The following ARHGEF15 variants were observed in gnomAD, a reference collection of about 807,000 sequenced individuals.
The protein encoded by ARHGEF15 is Rho guanine nucleotide exchange factor 15, also known as Rho guanine nucleotide exchange factor (GEF) 15.
A neutral mutation model predicts 79.7 loss-of-function variants in ARHGEF15; 58 were observed. The ratio of observed to expected loss-of-function variants is 0.73; its 90% CI spans 0.59 to 0.91. ARHGEF15 has a LOEUF of 0.91. Ranked by LOEUF, ARHGEF15 falls within the 40% of genes least tolerant of loss-of-function variation. ARHGEF15 has a pLI of 0.00. For synonymous variants in ARHGEF15, 442 were observed against 456.0 expected (o/e 0.97, Z 0.39); for missense variants, 1,012 against 1,108.1 (o/e 0.91, Z 1.23).
chr17:8,315,473 C>G lies in ARHGEF15; in HGVS notation c.1320C>G (p.Thr440=). ...ASYLRSLRLL[T]DTFVLSQALR... ...ACCTGCGCTCCCTGCGGCTGCTGAC[C>G]GACACCTTCGTGCTGAGCCAGGCAC... Residue 440 remains threonine (T), a synonymous_variant, in exon 7 of 16, where the codon ACC becomes ACG. Transcript: ENST00000361926. This position sits in a 1 kb window ranked among gnomAD's most constrained non-coding sequence, Gnocchi z 4.3. 6.2e-7 allele frequency: 1 copy of G among 1,613,796 alleles called. No individual in the cohort carries two copies. Among genetic ancestry groups the G allele is most frequent in the Non-Finnish European group, 8.5e-7 (1 of 1,180,020 alleles).
rs750359902 is a variant in ARHGEF15, at chr17:8,315,835, T to C, written c.1502T>C (p.Val501Ala). The C allele has an allele frequency of 1.2e-6, 2 of 1,612,930 alleles. No homozygotes were observed. The highest frequency in any genetic ancestry group is 1.7e-6 in the Non-Finnish European group (2 of 1,179,970). ...DLCDVVHAHA[V>A]GPFSVYVDYV... ...TGTGATGTGGTGCATGCCCACGCTG[T>C]GGGGCCTTTCTCGGTGTATGTGGAT... The change falls in exon 8 of 16, where the codon GTG becomes GCG. Residue 501 changes from valine to alanine, a missense_variant. By Grantham distance (64) the Val-to-Ala change is moderately conservative. Transcript: ENST00000361926. The surrounding 1 kb of genome is among the most constrained non-coding windows in gnomAD (Gnocchi z 4.3).
In ARHGEF15 at chr17:8,319,081, G is replaced by A; in HGVS notation, c.2108G>A (p.Gly703Glu). ...GCCCAGCAGGTTCCGGATCCATCTGGACCCCCTACCTTCCGCCTCTCCCTT... is the reference window on the plus strand; with the variant it reads ...GCCCAGCAGGTTCCGGATCCATCTGAACCCCCTACCTTCCGCCTCTCCCTT... ...VQAQQVPDPS[G>E]PPTFRLSLLS... Residue 703 changes from glycine (G) to glutamate (E), a missense_variant, in exon 13 of 16, where the codon GGA (glycine) becomes GAA (glutamate). Physicochemically the swap from Gly to Glu is moderately conservative, Grantham distance 98. This residue lies in a region of ARHGEF15 where 62 missense variants were observed against 101.3 expected (regional missense o/e 0.61). Transcript: ENST00000361926. 1 of 1,613,944 alleles carries A rather than the reference G, an allele frequency of 6.2e-7. No individual in the cohort carries two copies. The highest frequency in any genetic ancestry group is 1.1e-5 in the South Asian group (1 of 91,076).
Position 8,321,118 on chromosome 17 carries a change from T to G in ARHGEF15, c.*125T>G. On this transcript the variant is annotated 3_prime_UTR_variant, in exon 16 of 16. Transcript: ENST00000361926. ...CTACCTCTCGTGGCAACCATAGAGA[T>G]CGAGCTTCAGGACAGAGCAGCCAAT... 7.2e-7 allele frequency: 1 copy of G among 1,385,172 alleles called. No homozygotes were observed. Among genetic ancestry groups the G allele is most frequent in the South Asian group, 1.3e-5 (1 of 75,390 alleles). 85.8% of individuals were successfully genotyped at this position (1,385,172 alleles called of 1,614,324 possible). A position where few individuals can be genotyped will look rare whatever the true frequency, so the allele number is the denominator to read the frequency against.
chr17:8,318,738 G>C lies in ARHGEF15; in HGVS notation c.1873-12G>C. 1 of 1,611,730 alleles carries C rather than the reference G, an allele frequency of 6.2e-7. No homozygotes were observed. Among genetic ancestry groups the C allele is most frequent in the Non-Finnish European group, 8.5e-7 (1 of 1,179,138 alleles). Reference sequence around the variant, plus strand: ...CCACGCTAGAACCTCCTCTGCCTCCGCTTCCTCGCAGGCCCTGCCCCTGGT... The same window carrying C: ...CCACGCTAGAACCTCCTCTGCCTCCCCTTCCTCGCAGGCCCTGCCCCTGGT... On this transcript the variant is annotated splice_polypyrimidine_tract_variant and intron_variant, in intron 11 of 15. Transcript: ENST00000361926. This position sits in a 1 kb window ranked among gnomAD's most constrained non-coding sequence, Gnocchi z 5.0.
chr17:8,311,881 C>A lies in ARHGEF15; in HGVS notation c.-49-110C>A, dbSNP rs376048783. Reference sequence around the variant, plus strand: ...ATTGAGTTTTATGGATTCTCTGGAACCCCCACACCAGCCTTCCCTCCTGAC... The same window carrying A: ...ATTGAGTTTTATGGATTCTCTGGAAACCCCACACCAGCCTTCCCTCCTGAC... On this transcript the variant is annotated intron_variant, in intron 1 of 15. Coordinates refer to ENST00000361926, the MANE Select transcript of ARHGEF15 (RefSeq NM_173728.4). The A allele has an allele frequency of 8.2e-5, 53 of 645,980 alleles. 1 individual carries two copies. In the East Asian group the frequency reaches 9.0e-4, roughly 11 times the overall value. The allele number at this position is 645,980 out of a possible 1,614,324, so 40.0% of individuals were successfully genotyped here. A position where few individuals can be genotyped will look rare whatever the true frequency, so the allele number is the denominator to read the frequency against.
rs1905341295 is a variant in ARHGEF15 at position 8,320,899 on chromosome 17, G to A, written c.2432G>A (p.Gly811Glu). The A allele has an allele frequency of 1.2e-6, 2 of 1,613,822 alleles. No homozygotes were observed. Among genetic ancestry groups the A allele is most frequent in the Admixed American group, 3.3e-5 (2 of 59,992 alleles). ...GCCCAGCTGGTGTGTGAAGTCACAG[G>A]GGAACACGAAAGGAGGAGGCACCTT... is the stretch of plus-strand genomic sequence containing the variant. ...FPAQLVCEVT[G>E]EHERRRHLRQ... The change falls in exon 16 of 16, where the codon GGG (glycine) becomes GAG (glutamate). Residue 811 changes from glycine to glutamate, a missense_variant. By Grantham distance (98) the Gly-to-Glu change is moderately conservative. This residue lies in a region of ARHGEF15 where 132 missense variants were observed against 124.2 expected (regional missense o/e 1.06). Coordinates refer to ENST00000361926, the MANE Select transcript of ARHGEF15 (RefSeq NM_173728.4).
Position 8,315,909 on chromosome 17 carries a change from T to G in ARHGEF15, c.1574+2T>G. 6.2e-7 allele frequency: 1 copy of G among 1,608,440 alleles called. No homozygotes were observed. The highest frequency in any genetic ancestry group is 8.5e-7 in the Non-Finnish European group (1 of 1,179,904). On this transcript the variant is annotated splice_donor_variant, in intron 8 of 15. Transcript: ENST00000361926. LOFTEE classifies it high-confidence loss of function. This position sits in a 1 kb window ranked among gnomAD's most constrained non-coding sequence, Gnocchi z 4.3. Reference sequence around the variant, plus strand: ...GGAGGAGACCTACAGCCGCCTCATGTGAGTGTCCCAGGGGTGGGGAGGAAG... The same window carrying G: ...GGAGGAGACCTACAGCCGCCTCATGGGAGTGTCCCAGGGGTGGGGAGGAAG...
At position 8,318,752 on chromosome 17, in the gene ARHGEF15, C is replaced by G; in HGVS notation, c.1875C>G (p.Ala625=). 6.2e-7 allele frequency: 1 copy of G among 1,612,798 alleles called. No individual in the cohort carries two copies. Among genetic ancestry groups the G allele is most frequent in the African/African-American group, 1.3e-5 (1 of 75,030 alleles). Residue 625 remains alanine, a splice_region_variant and synonymous_variant, in exon 12 of 16, where the codon GCC becomes GCG. Coordinates refer to ENST00000361926, the MANE Select transcript of ARHGEF15 (RefSeq NM_173728.4). The surrounding 1 kb of genome is among the most constrained non-coding windows in gnomAD (Gnocchi z 5.0). ...TQRLRFHKVK[A]LPLVSWSRRL... ...CCTCTGCCTCCGCTTCCTCGCAGGC[C>G]CTGCCCCTGGTCTCCTGGTCACGGC...
chr17:8,317,003 G>A (rs1252740390), intron 9 of ARHGEF15, among the ~76,000 whole-genome samples: 1 of 152,034 alleles, frequency 6.6e-6, no homozygotes, highest in Non-Finnish European at 1.5e-5. Flanking sequence ...GGCTGCTATC[G>A]AACTCCTGAC....
In ARHGEF15 at chr17:8,312,652, G is replaced by C. The variant is rs372262256; in HGVS notation, c.601+12G>C. ...GAACGGTGCTCCAGGTGAGTGTGGC[G>C]GGTGGGGGGCGCTGGGTGACCTCAA... On this transcript the variant is annotated intron_variant, in intron 2 of 15. Transcript: ENST00000361926. 6.2e-7 allele frequency: 1 copy of C among 1,611,816 alleles called. No individual in the cohort carries two copies. The highest frequency in any genetic ancestry group is 1.3e-5 in the African/African-American group (1 of 74,902).
At chr17:8,314,801 C>A in intron 4 of ARHGEF15, 105 bp from the exon 5 acceptor site, 23 of 1,066,596 alleles carry the variant, frequency 2.2e-5, no homozygotes, top group Non-Finnish European at 2.8e-5. Flanking sequence ...AGGGTCCCTA[C>A]ATCCAACCTG....
rs776628464 is a variant in ARHGEF15 at position 8,322,465 on chromosome 17, G to A, written c.*1472G>A. On this transcript the variant is annotated 3_prime_UTR_variant, in exon 16 of 16. Coordinates refer to ENST00000361926, the MANE Select transcript of ARHGEF15 (RefSeq NM_173728.4). ...ATGACATTGGAGACTCCCCTAGCAG[G>A]GTGCCTGACGTGTGGGGAACCCTCA... 2 of 152,338 alleles carry A rather than the reference G, an allele frequency of 1.3e-5. No homozygotes were observed. The highest frequency in any genetic ancestry group is 2.4e-5 in the African/African-American group (1 of 41,462). The allele number at this position is 152,338 out of a possible 1,614,324, so 9.4% of individuals were successfully genotyped here.
At position 8,314,907 on chromosome 17, in the gene ARHGEF15, G is replaced by A. The variant is rs1260229949; in HGVS notation, c.991G>A (p.Glu331Lys). 3 of 1,613,854 alleles carry A rather than the reference G, an allele frequency of 1.9e-6. No individual in the cohort carries two copies. Among genetic ancestry groups the A allele is most frequent in the African/African-American group, 1.3e-5 (1 of 74,890 alleles). The change falls in exon 5 of 16, where the codon GAA becomes AAA. Residue 331 changes from glutamate to lysine, a missense_variant and splice_region_variant. Physicochemically the swap from Glu to Lys is moderately conservative, Grantham distance 56. Coordinates refer to ENST00000361926, the MANE Select transcript of ARHGEF15 (RefSeq NM_173728.4). ...NTPPATVEGR[E>K]EEGLEVLKEQ... is the part of the protein sequence containing the mutation. Reference sequence around the variant, plus strand: ...TTCCTTCCCTTTCTTTCTCCACAGGGAAGAGGAGGGGCTAGAGGTGCTGAA... The same window carrying A: ...TTCCTTCCCTTTCTTTCTCCACAGGAAAGAGGAGGGGCTAGAGGTGCTGAA...
At chr17:8,317,549 T>G (rs1259123886) in intron 9 of ARHGEF15, among the ~76,000 whole-genome samples, 1 of 152,198 alleles carries the variant, frequency 6.6e-6, no homozygotes, top group Non-Finnish European at 1.5e-5. Flanking sequence ...TTTCTAGGAA[T>G]GGTTCTAAGT....
At chr17:8,319,810 AT>A (rs1230605430) in intron 15 of ARHGEF15, among the ~76,000 whole-genome samples, 1 of 151,764 alleles carries the variant, frequency 6.6e-6, no homozygotes, top group Non-Finnish European at 1.5e-5. Flanking sequence ...TAATTTTTGT[AT>A]TTTTAGTAGA....
intron 2 of ARHGEF15, 131 bp from the exon 3 acceptor site, chr17:8,312,791 G>A (rs774127729): frequency 1.8e-5 from 28 of 1,565,504 alleles, no homozygotes; most frequent in Middle Eastern, 1.7e-4. Context: ...AAGGGAGTCA[G>A]GGTGGAGGAG....
chr17:8,314,922 G>T lies in ARHGEF15; in HGVS notation c.1006G>T (p.Glu336Ter). 1 of 1,614,074 alleles carries T rather than the reference G, an allele frequency of 6.2e-7. No homozygotes were observed. Among genetic ancestry groups the T allele is most frequent in the Non-Finnish European group, 8.5e-7 (1 of 1,179,996 alleles). ...TVEGREEEGL[E>*]VLKEQNWELP... ...TCTCCACAGGGAAGAGGAGGGGCTA[G>T]AGGTGCTGAAGGAGCAGAATTGGGA... The change falls in exon 5 of 16, where the codon GAG becomes TAG. Residue 336 changes from glutamate (E) to a stop codon, truncating the protein, a stop_gained. Transcript: ENST00000361926. LOFTEE classifies it high-confidence loss of function.
chr17:8,310,568 C>T (rs945632890), intron 1 of ARHGEF15, among the ~76,000 whole-genome samples: 2 of 152,130 alleles, frequency 1.3e-5, no homozygotes, highest in African/African-American at 2.4e-5. Context: ...CCATTGCCGT[C>T]TTGTCCTCAT....
intron 15 of ARHGEF15, among the ~76,000 whole-genome samples, chr17:8,319,945 C>T (rs1018983838): frequency 2.8e-5 from 4 of 140,496 alleles, no homozygotes; most frequent in Non-Finnish European, 4.6e-5. Flanking sequence ...TATTTCTATT[C>T]TTTTTTTTTT....
Sources: allele counts gnomAD v4.1 joint callset (sites outside exome capture counted in the v4.1 genomes callset), GRCh38; gene constraint gnomAD v4.1.1; regional missense constraint gnomAD v4.1.1; non-coding constraint Gnocchi (gnomAD v3.1); transcripts MANE v1.5; gene names NCBI Gene and HGNC (gene_info 2026-07-23, HGNC 2026-07-21).